GON4L: variants seen among roughly 807,000 people sequenced by gnomAD.
GON4L encodes gon-4 like.
In GON4L, 87 loss-of-function variants were observed where a neutral mutation model predicts 211.8. That is an observed-to-expected ratio of 0.41 (90% CI 0.35 to 0.49). The LOEUF (loss-of-function observed/expected upper bound fraction) is 0.49. Ranked by LOEUF, GON4L falls within the 20% of genes least tolerant of loss-of-function variation. GON4L has a pLI of 0.15. For missense variants in GON4L, 2,155 were observed against 2,659.5 expected (o/e 0.81, Z 4.17); for synonymous variants, 875 against 962.6 (o/e 0.91, Z 1.68).
intron 12 of GON4L, among the ~76,000 whole-genome samples, 172 bp downstream of exon 12, chr1:155,794,878 G>A (rs915052909): frequency 1.3e-5 from 2 of 152,128 alleles, no homozygotes; most frequent in African/African-American, 4.8e-5. Flanking sequence ...AATAACTGAT[G>A]GGCTTTCTGA....
At chr1:155,788,302 A>C (rs1256814140) in intron 12 of GON4L, among the ~76,000 whole-genome samples, 1 of 152,186 alleles carries the variant, frequency 6.6e-6, no homozygotes, top group Non-Finnish European at 1.5e-5. Context: ...CAACAAAAAA[A>C]ATTAAAATCC....
At chr1:155,753,116 C>G in intron 29 of GON4L, 88 bp downstream of exon 29, 1 of 973,116 alleles carries the variant, frequency 1.0e-6, no homozygotes, top group Non-Finnish European at 1.6e-6. Context: ...CCTGAAAAGG[C>G]TATTTATCCA....
In GON4L at chr1:155,777,728, T is replaced by C; in HGVS notation, c.1985A>G (p.Lys662Arg). Reference protein sequence around the residue: ...EQLKMKKSSAKQLQEVEKVKP... With the variant: ...EQLKMKKSSARQLQEVEKVKP... ...AACCTTCTCTACTTCCTGCAGCTGT[T>C]TGGCTGAAGATTTCTTCATCTTCAG... Residue 662 changes from lysine to arginine, a missense_variant, in exon 15 of 32, where the codon AAA becomes AGA. Around this residue, in one of 6 missense-constraint regions of GON4L, gnomAD observed 551 missense variants for 854.0 expected, o/e 0.65. Transcript: ENST00000368331. 6.2e-7 allele frequency: 1 copy of C among 1,612,736 alleles called. No homozygotes were observed. Among genetic ancestry groups the C allele is most frequent in the South Asian group, 1.1e-5 (1 of 91,040 alleles).
At chr1:155,778,754 G>T (rs1304347839) in intron 14 of GON4L, among the ~76,000 whole-genome samples, 1 of 152,076 alleles carries the variant, frequency 6.6e-6, no homozygotes, top group East Asian at 1.9e-4. Context: ...CCCACCCTGT[G>T]CCCATGTGTT....
intron 2 of GON4L, among the ~76,000 whole-genome samples, chr1:155,849,667 G>C (rs899059168): frequency 1.3e-5 from 2 of 150,582 alleles, no homozygotes; most frequent in African/African-American, 4.9e-5. Flanking sequence ...CCAGCTACTC[G>C]GGAGGCTACG....
At chr1:155,750,815 G>A in intron 31 of GON4L, 82 bp from the exon 32 acceptor site, 2 of 1,336,896 alleles carry the variant, frequency 1.5e-6, no homozygotes, top group South Asian at 2.5e-5. Flanking sequence ...TGAGACTGGA[G>A]TGCAGTGGCA....
chr1:155,769,667 C>G (rs1662971136), intron 19 of GON4L, among the ~76,000 whole-genome samples: 1 of 152,162 alleles, frequency 6.6e-6, no homozygotes, highest in Admixed American at 6.6e-5. Context: ...CGATTATTTA[C>G]TCCAAGAAAA....
chr1:155,791,761 T>C (rs1665588514), intron 12 of GON4L, among the ~76,000 whole-genome samples: 1 of 151,238 alleles, frequency 6.6e-6, no homozygotes, highest in African/African-American at 2.4e-5. Flanking sequence ...CCAGCTATTC[T>C]GGAGGCTGAG....
chr1:155,772,078 C>T (rs56346827), intron 18 of GON4L, among the ~76,000 whole-genome samples: 11,567 of 151,604 alleles, frequency 0.076, 589 homozygotes, highest in Non-Finnish European at 0.12. Flanking sequence ...CACTTGAAAC[C>T]GGGGGCGAAG....
At position 155,816,247 on chromosome 1, in the gene GON4L, T is replaced by C; in HGVS notation, c.1030A>G (p.Asn344Asp). Residue 344 changes from asparagine (N) to aspartate (D), a missense_variant, in exon 7 of 32, where the codon AAT (asparagine) becomes GAT (aspartate). By Grantham distance (23) the Asn-to-Asp change is conservative. Around this residue, in one of 6 missense-constraint regions of GON4L, gnomAD observed 551 missense variants for 854.0 expected, o/e 0.65. Transcript: ENST00000368331. ...VEKGVVIPTW[N>D]ISPIKKANEI... The stretch of plus-strand genomic sequence containing the variant: ...TTGGCCTTCTTAATTGGTGAAATAT[T>C]CCATGTTGGAATTACCTACCAACAA... The C allele has an allele frequency of 7.6e-7, 1 of 1,317,064 alleles. No homozygotes were observed. Among genetic ancestry groups the C allele is most frequent in the South Asian group, 1.2e-5 (1 of 84,442 alleles). The allele number at this position is 1,317,064 out of a possible 1,614,324, so 81.6% of individuals were successfully genotyped here.
chr1:155,784,144 T>G, intron 13 of GON4L, 55 bp from the exon 14 acceptor site: 1 of 1,602,384 alleles, frequency 6.2e-7, no homozygotes, highest in African/African-American at 1.3e-5. Flanking sequence ...TGAATGTTGC[T>G]CCAGTATTGG....
Position 155,765,445 on chromosome 1 carries a change from T to A in GON4L, c.4028A>T (p.Asp1343Val), listed in dbSNP as rs866325216. The part of the protein sequence containing the change: ...REEISGSPER[D>V]ICDDIKVEHA... ...TTCCACTTTGATGTCATCACAAATA[T>A]CACGCTCAGGGGATCCACTGATTTC... The change falls in exon 21 of 32, where the codon GAT becomes GTT. Residue 1343 changes from aspartate (D) to valine (V), a missense_variant. Asp to Val is a radical substitution (Grantham distance 152, BLOSUM62 -3). This residue lies in a region of GON4L where 615 missense variants were observed against 625.7 expected (regional missense o/e 0.98). Coordinates refer to ENST00000368331, the MANE Select transcript of GON4L (RefSeq NM_001282860.2). 6.2e-6 allele frequency: 10 copies of A among 1,614,162 alleles called. No individual in the cohort carries two copies. Among genetic ancestry groups the A allele is most frequent in the African/African-American group, 2.7e-5 (2 of 75,038 alleles).
chr1:155,849,754 A>G (rs1222362264), intron 2 of GON4L, among the ~76,000 whole-genome samples: 1 of 136,268 alleles, frequency 7.3e-6, no homozygotes, highest in Non-Finnish European at 1.6e-5. Flanking sequence ...AGCCTGGGCA[A>G]CAGAACGAGA....
intron 2 of GON4L, among the ~76,000 whole-genome samples, chr1:155,850,238 A>G (rs1480115980): frequency 6.6e-6 from 1 of 152,178 alleles, no homozygotes; most frequent in African/African-American, 2.4e-5. Context: ...TCAAAAGTCA[A>G]ATCTATGTAA....
intron 1 of GON4L, 102 bp downstream of exon 1, chr1:155,857,045 G>C (rs1018794339): frequency 5.2e-5 from 8 of 152,658 alleles, no homozygotes; most frequent in Admixed American, 5.2e-4. Context: ...CTTCCGCCAC[G>C]CACCCAGCGC....
intron 15 of GON4L, among the ~76,000 whole-genome samples, chr1:155,777,289 C>T (rs1361422739): frequency 1.3e-5 from 2 of 152,074 alleles, no homozygotes; most frequent in East Asian, 3.9e-4. Flanking sequence ...TGGTATAATC[C>T]AGTATTAACA....
downstream of GON4L, chr1:155,746,158 T>C (rs1571593164): frequency 2.6e-6 from 2 of 755,704 alleles, no homozygotes; most frequent in Non-Finnish European, 4.2e-6. Flanking sequence ...GGTGGCAGAG[T>C]TAGCCGATGC....
At chr1:155,783,328 G>A (rs1215305868) in intron 14 of GON4L, among the ~76,000 whole-genome samples, 1 of 152,070 alleles carries the variant, frequency 6.6e-6, no homozygotes, top group East Asian at 1.9e-4. Flanking sequence ...CGAATTACAG[G>A]GACTATTCTC....
chr1:155,761,656 C>T lies in GON4L; in HGVS notation c.4911+534G>A, dbSNP rs556745219. Among the ~76,000 whole-genome samples the T allele has an allele frequency of 7.2e-5, 11 of 151,926 alleles. No homozygotes were observed. In the South Asian group the frequency reaches 1.0e-3, roughly 14 times the overall value. ...GATTACAGGCGCCCACCACCACACC[C>T]GGCTAATTTTTGTATTTTAGTAGAG... On this transcript the variant is annotated intron_variant, in intron 23 of 31. Transcript: ENST00000368331.
Sources: gnomAD v4.1 joint callset for allele counts (sites outside exome capture counted in the v4.1 genomes callset) on GRCh38, gnomAD v4.1.1 for gene constraint, gnomAD v4.1.1 regional missense constraint, MANE v1.5 for transcripts, NCBI Gene and HGNC (gene_info 2026-07-23, HGNC 2026-07-21) for gene names.